The following COG5 variants were observed in gnomAD, a reference collection of about 807,000 sequenced individuals.
COG5 encodes the protein component of oligomeric golgi complex 5.
Under a neutral mutation model 110.4 loss-of-function variants are expected in COG5, and 86 were observed. The observed-to-expected ratio is 0.78, with a 90% CI of 0.65 to 0.93. The LOEUF (loss-of-function observed/expected upper bound fraction) is 0.93. Ranked by LOEUF, COG5 falls within the 40% of genes least tolerant of loss-of-function variation. The pLI, the probability that COG5 is intolerant of heterozygous loss-of-function variation, is 0.00. For synonymous variants in COG5, 360 were observed against 334.6 expected, an observed-to-expected ratio of 1.08 and a Z score of -0.83; for missense variants, 1,077 against 987.0, an observed-to-expected ratio of 1.09 and a Z score of -1.22.
chr7:107,515,856 T>C (rs1799883758), intron 6 of COG5, among the ~76,000 whole-genome samples: 1 of 152,222 alleles, frequency 6.6e-6, no homozygotes, highest in African/African-American at 2.4e-5. Context: ...AAAATAAAGT[T>C]TCTAAGCCAG....
At chr7:107,429,062 CAAG>C (rs1793842781) in intron 6 of COG5, among the ~76,000 whole-genome samples, 1 of 151,928 alleles carries the variant, frequency 6.6e-6, no homozygotes, top group Non-Finnish European at 1.5e-5. Flanking sequence ...TAAAAAAAGC[CAAG>C]AATGAGTGTG....
At chr7:107,288,112 C>T (rs961765426) in intron 12 of COG5, among the ~76,000 whole-genome samples, 1 of 152,072 alleles carries the variant, frequency 6.6e-6, no homozygotes, top group African/African-American at 2.4e-5. Flanking sequence ...GCCTGTAATC[C>T]CAACACTTTG....
intron 5 of COG5, among the ~76,000 whole-genome samples, chr7:107,533,165 A>T (rs1182116875): frequency 6.6e-6 from 1 of 151,628 alleles, no homozygotes; most frequent in Non-Finnish European, 1.5e-5. Flanking sequence ...TCCAAAGGTC[A>T]CCAACAGCAA....
At chr7:107,355,911 C>T (rs1812584700) in intron 10 of COG5, among the ~76,000 whole-genome samples, 1 of 152,202 alleles carries the variant, frequency 6.6e-6, no homozygotes, top group Non-Finnish European at 1.5e-5. Flanking sequence ...TTTGTTACAA[C>T]TGATGAACCA....
intron 7 of COG5, among the ~76,000 whole-genome samples, chr7:107,401,918 C>A (rs1259919508): frequency 6.6e-6 from 1 of 152,154 alleles, no homozygotes; most frequent in Non-Finnish European, 1.5e-5. Context: ...TTTAAGAGGA[C>A]CTTCTTTTTG....
chr7:107,530,450 A>T (rs1447046739), intron 5 of COG5, among the ~76,000 whole-genome samples: 1 of 152,030 alleles, frequency 6.6e-6, no homozygotes, highest in Non-Finnish European at 1.5e-5. Context: ...AAAAATACAA[A>T]ATTAGCTGGG....
intron 6 of COG5, among the ~76,000 whole-genome samples, chr7:107,475,907 T>A (rs1328678165): frequency 6.6e-6 from 1 of 151,488 alleles, no homozygotes; most frequent in Non-Finnish European, 1.5e-5. Flanking sequence ...TGAAGCTTTA[T>A]TCTTTTAAAT....
chr7:107,247,515 T>C (rs978381099), intron 17 of COG5, among the ~76,000 whole-genome samples: 3 of 152,154 alleles, frequency 2.0e-5, no homozygotes, highest in African/African-American at 7.2e-5. Context: ...ACAACAAGAA[T>C]GTAAAGAGAA....
chr7:107,455,929 G>A (rs1276738500), intron 6 of COG5, among the ~76,000 whole-genome samples: 4 of 152,084 alleles, frequency 2.6e-5, no homozygotes, highest in African/African-American at 9.6e-5. Context: ...AAGCAGCTGG[G>A]ACTACAGACA....
intron 10 of COG5, among the ~76,000 whole-genome samples, chr7:107,352,609 T>A (rs538632640): frequency 9.2e-5 from 14 of 152,280 alleles, no homozygotes; most frequent in Admixed American, 8.5e-4. Flanking sequence ...ATTTATCTCA[T>A]AATATTGAAA....
intron 10 of COG5, among the ~76,000 whole-genome samples, chr7:107,350,964 G>T (rs920807510): frequency 1.3e-5 from 2 of 152,010 alleles, no homozygotes; most frequent in Non-Finnish European, 2.9e-5. Flanking sequence ...GCCCCTCAAA[G>T]ATTCTCTTAT....
At chr7:107,224,287 T>G (rs1562920569) in intron 19 of COG5, among the ~76,000 whole-genome samples, 1 of 152,168 alleles carries the variant, frequency 6.6e-6, no homozygotes, top group Non-Finnish European at 1.5e-5. Flanking sequence ...GTTTGGAATT[T>G]CAATCAACAG....
chr7:107,444,977 C>T (rs1001245785), intron 6 of COG5, among the ~76,000 whole-genome samples: 1 of 152,044 alleles, frequency 6.6e-6, no homozygotes, highest in African/African-American at 2.4e-5. Flanking sequence ...TGTTTGAACC[C>T]AGGAGTTTGA....
At chr7:107,523,211 T>C (rs2129153462) in intron 6 of COG5, among the ~76,000 whole-genome samples, 1 of 152,320 alleles carries the variant, frequency 6.6e-6, no homozygotes, top group Non-Finnish European at 1.5e-5. Flanking sequence ...GTTTTCAGTG[T>C]ACAGGTTTTA....
At chr7:107,540,215 T>G (rs1371350373) in intron 5 of COG5, among the ~76,000 whole-genome samples, 2 of 152,116 alleles carry the variant, frequency 1.3e-5, no homozygotes, top group Non-Finnish European at 2.9e-5. Flanking sequence ...GACCTAATAG[T>G]AAACAGGGCT....
In COG5 at chr7:107,563,543, A is replaced by AGGGGGG. The variant is rs1491334770; in HGVS notation, c.94+259_94+260insCCCCCC. ...CCGAAACTTCAGGGAAGCTGGAGGCATGGGGGGGGGGGGGGTCGAGTTGAA... is the reference window on the plus strand; with the variant it reads ...CCGAAACTTCAGGGAAGCTGGAGGCAGGGGGGTGGGGGGGGGGGGGGTCGAGTTGAA... On this transcript the variant is annotated intron_variant, in intron 1 of 21. Transcript: ENST00000297135. The AGGGGGG allele has an allele frequency of 2.5e-5, 8 of 316,592 alleles. 1 individual carries two copies. The highest frequency in any genetic ancestry group is 2.3e-5 in the South Asian group (1 of 43,430). The allele number at this position is 316,592 out of a possible 1,614,324, so 19.6% of individuals were successfully genotyped here. A position where few individuals can be genotyped will look rare whatever the true frequency, so the allele number is the denominator to read the frequency against.
At chr7:107,399,189 G>A (rs962023921) in intron 7 of COG5, among the ~76,000 whole-genome samples, 8 of 151,820 alleles carry the variant, frequency 5.3e-5, no homozygotes, top group African/African-American at 1.7e-4. Flanking sequence ...GTGACAGAGC[G>A]AGACTCTGTC....
chr7:107,433,248 A>C (rs927589096), intron 6 of COG5, among the ~76,000 whole-genome samples: 2 of 152,224 alleles, frequency 1.3e-5, no homozygotes, highest in African/African-American at 2.4e-5. Context: ...TAATATTGTT[A>C]AGATGTCAAT....
At chr7:107,219,059 G>C (rs1799716779) in intron 19 of COG5, among the ~76,000 whole-genome samples, 1 of 151,926 alleles carries the variant, frequency 6.6e-6, no homozygotes, top group Admixed American at 6.6e-5. Flanking sequence ...CTCAAAAAAA[G>C]TCATATAAAT....
Sources: allele counts gnomAD v4.1 joint callset (sites outside exome capture counted in the v4.1 genomes callset), GRCh38; gene constraint gnomAD v4.1.1; transcripts MANE v1.5; gene names NCBI Gene and HGNC (gene_info 2026-07-23, HGNC 2026-07-21).